RNF212B: variants seen among roughly 807,000 people sequenced by gnomAD.
RNF212B encodes the protein E3 ubiquitin-protein ligase RNF212B.
Under a neutral mutation model 55.5 loss-of-function variants are expected in RNF212B, and 52 were observed. The ratio of observed to expected loss-of-function variants is 0.94; its 90% CI spans 0.75 to 1.18. RNF212B has a LOEUF of 1.18. Ranked by LOEUF, RNF212B falls within the 50% of genes most tolerant of loss-of-function variation. RNF212B has a pLI of 0.00. For synonymous variants in RNF212B, 99 were observed against 121.4 expected (o/e 0.82, Z 1.21); for missense variants, 289 against 350.4 (o/e 0.82, Z 1.40).
intron 7 of RNF212B, among the ~76,000 whole-genome samples, chr14:23,262,343 G>C (rs1165875407): frequency 6.6e-6 from 1 of 152,106 alleles, no homozygotes; most frequent in African/African-American, 2.4e-5. Flanking sequence ...GAGGATGGAG[G>C]GATGTATGAA....
chr14:23,211,133 G>A lies in RNF212B; in HGVS notation c.-2+17732G>A, dbSNP rs547872101. ...CCTGGGAGGCTGAGGCAGGAGAATT[G>A]CTTGAATCTGGGAGGTGAAAGTTGT... On this transcript the variant is annotated intron_variant, in intron 2 of 15. Coordinates refer to the RNF212B transcript ENST00000399910. 4.6e-5 allele frequency among the ~76,000 whole-genome samples: 7 copies of A among 151,814 alleles called. No individual in the cohort carries two copies. The South Asian group carries it at 1.5e-3, about 32-fold the overall frequency.
chr14:23,240,126 T>C, intron 1 of RNF212B, among the ~76,000 whole-genome samples: 1 of 152,082 alleles, frequency 6.6e-6, no homozygotes, highest in East Asian at 1.9e-4. Flanking sequence ...CATTTATATA[T>C]AAAATGTTAT....
At chr14:23,244,272 A>C in intron 3 of RNF212B, 50 bp from the exon 4 acceptor site, 1 of 1,066,462 alleles carries the variant, frequency 9.4e-7, no homozygotes, top group Non-Finnish European at 1.4e-6. Context: ...TCAGTATTTT[A>C]TTTTATTCAA....
intron 12 of RNF212B, 35 bp from the exon 13 acceptor site, chr14:23,269,828 T>C: frequency 8.2e-7 from 1 of 1,220,316 alleles, no homozygotes; most frequent in Non-Finnish European, 1.2e-6. Context: ...TTACCTGTCC[T>C]TTTCTCTGCT....
In RNF212B at chr14:23,190,004, C is replaced by T. The variant is rs952515766; in HGVS notation, c.-78-3321C>T. Among the ~76,000 whole-genome samples the T allele has an allele frequency of 1.1e-4, 17 of 152,050 alleles. 1 individual carries two copies. The highest frequency in any genetic ancestry group is 5.2e-4 in the Admixed American group (8 of 15,262). On this transcript the variant is annotated intron_variant, in intron 1 of 15. Transcript: ENST00000399910. ...ACATCTACTCTATCAGTTGGACCAC[C>T]GGTGGTCCAATCTAGCAATCATTTC...
intron 4 of RNF212B, among the ~76,000 whole-genome samples, chr14:23,248,439 TC>T (rs1163778182): frequency 4.4e-5 from 5 of 113,574 alleles, no homozygotes; most frequent in African/African-American, 1.6e-4. Context: ...ACCCCAAGCC[TC>T]TTTTTTTTTT....
At chr14:23,258,789 A>G in intron 5 of RNF212B, 125 bp downstream of exon 5, 1 of 450,114 alleles carries the variant, frequency 2.2e-6, no homozygotes, top group Non-Finnish European at 3.9e-6. Context: ...TGGGAAAATC[A>G]GGTACAGAAT....
chr14:23,192,879 G>A (rs1431847614), intron 1 of RNF212B, among the ~76,000 whole-genome samples: 1 of 151,880 alleles, frequency 6.6e-6, no homozygotes, highest in African/African-American at 2.4e-5. Context: ...ATCACCTGAG[G>A]TCGGGAGTTT....
intron 4 of RNF212B, 188 bp from the exon 5 acceptor site, chr14:23,258,361 G>C: frequency 3.5e-6 from 1 of 289,624 alleles, no homozygotes; most frequent in Non-Finnish European, 6.2e-6. Context: ...AAAAAAGACA[G>C]TAGAAGGCTA....
intron 3 of RNF212B, among the ~76,000 whole-genome samples, chr14:23,243,965 C>A (rs1258269859): frequency 6.6e-6 from 1 of 151,942 alleles, no homozygotes; most frequent in Non-Finnish European, 1.5e-5. Flanking sequence ...GTAATCCCAG[C>A]TACTCAGGAG....
intron 2 of RNF212B, among the ~76,000 whole-genome samples, chr14:23,224,333 A>G (rs1185685382): frequency 7.2e-5 from 11 of 152,224 alleles, no homozygotes. Context: ...GAGGAATCAT[A>G]TTATCTGACT....
intron 10 of RNF212B, 23 bp from the exon 11 acceptor site, chr14:23,264,600 G>C (rs759640305): frequency 9.1e-6 from 12 of 1,312,910 alleles, no homozygotes; most frequent in Non-Finnish European, 1.2e-5. Context: ...TTTATTAATT[G>C]ATGCTTATTA....
At chr14:23,208,126 G>T (rs1220906722) in intron 2 of RNF212B, among the ~76,000 whole-genome samples, 1 of 152,164 alleles carries the variant, frequency 6.6e-6, no homozygotes, top group Admixed American at 6.5e-5. Flanking sequence ...GGGGCCCCAA[G>T]ATTTATTTCC....
chr14:23,233,691 A>G (rs1298406572), upstream of RNF212B, among the ~76,000 whole-genome samples: 2 of 149,704 alleles, frequency 1.3e-5, no homozygotes, highest in Admixed American at 6.7e-5. Context: ...GCAGTGAGCC[A>G]TAATCATGAC....
upstream of RNF212B, among the ~76,000 whole-genome samples, chr14:23,235,883 A>G (rs1883057831): frequency 6.6e-6 from 1 of 152,234 alleles, no homozygotes; most frequent in African/African-American, 2.4e-5. Flanking sequence ...GTAACCGGCT[A>G]TAAAAAGTTC....
intron 2 of RNF212B, among the ~76,000 whole-genome samples, chr14:23,194,070 G>T (rs1878394495): frequency 6.6e-6 from 1 of 152,146 alleles, no homozygotes; most frequent in African/African-American, 2.4e-5. Flanking sequence ...TGGAACTCCT[G>T]ACCTCAGGTG....
chr14:23,202,813 G>A (rs1191519393), intron 2 of RNF212B, among the ~76,000 whole-genome samples: 1 of 146,828 alleles, frequency 6.8e-6, no homozygotes, highest in Non-Finnish European at 1.5e-5. Flanking sequence ...ATTGGTCACT[G>A]CACTCTAGCC....
chr14:23,222,511 A>G (rs555948147), intron 2 of RNF212B, among the ~76,000 whole-genome samples: 2 of 152,302 alleles, frequency 1.3e-5, no homozygotes, highest in Non-Finnish European at 1.5e-5. Flanking sequence ...CCAATAAAGA[A>G]AAGCCTGAGA....
At position 23,244,400 on chromosome 14, in the gene RNF212B, T is replaced by A. The variant is rs1289649554; in HGVS notation, c.228+4T>A. ...GTATTTTAGTCACATCTCTCAGGTA[T>A]GAGAAACAAAAGTGAAGAAAATCTG... On this transcript the variant is annotated splice_donor_region_variant and intron_variant, in intron 4 of 14. Coordinates refer to ENST00000430154, the MANE Select transcript of RNF212B (RefSeq NM_001282322.3). 6.6e-7 allele frequency: 1 copy of A among 1,515,688 alleles called. No homozygotes were observed. 93.9% of individuals were successfully genotyped at this position (1,515,688 alleles called of 1,614,324 possible). A position where few individuals can be genotyped will look rare whatever the true frequency, so the allele number is the denominator to read the frequency against.
Sources: gnomAD v4.1 joint callset for allele counts (sites outside exome capture counted in the v4.1 genomes callset) on GRCh38, gnomAD v4.1.1 for gene constraint, MANE v1.5 for transcripts, NCBI Gene and HGNC (gene_info 2026-07-23, HGNC 2026-07-21) for gene names.